EFCAB8: variants seen among roughly 807,000 people sequenced by gnomAD.
The protein encoded by EFCAB8 is EF-hand calcium-binding domain-containing protein 8.
Under a neutral mutation model 116.3 loss-of-function variants are expected in EFCAB8, and 100 were observed. That is an observed-to-expected ratio of 0.86 (90% CI 0.73 to 1.02). The LOEUF is 1.02. EFCAB8 is among the 50% of genes least tolerant of loss of function. The pLI is 0.00. For missense variants in EFCAB8, 1,320 were observed against 1,416.9 expected (o/e 0.93, Z 1.10); for synonymous variants, 558 against 567.9 (o/e 0.98, Z 0.25).
At chr20:32,890,941 A>C (rs1263491939) in intron 7 of EFCAB8, among the ~76,000 whole-genome samples, 1 of 152,164 alleles carries the variant, frequency 6.6e-6, no homozygotes, top group Non-Finnish European at 1.5e-5. Flanking sequence ...TATGAGGCTA[A>C]ATTGTGTGAT....
chr20:32,895,023 G>A lies in EFCAB8; in HGVS notation c.884-1431G>A, dbSNP rs537846617. 1.7e-3 allele frequency among the ~76,000 whole-genome samples: 264 copies of A among 152,352 alleles called. 1 individual carries two copies. Among genetic ancestry groups the A allele is most frequent in the Middle Eastern group, 0.014 (4 of 294 alleles). On this transcript the variant is annotated intron_variant, in intron 9 of 26. Transcript: ENST00000400522. ...AGCAGTACAATGTTTGGCATGAGCC[G>A]CCAGATCCATCCTTGCTGTCTCTTC...
Position 32,909,957 on chromosome 20 carries a change from A to AGGCT in EFCAB8, c.1557+30_1557+33dup, listed in dbSNP as rs577439976. 1.8e-4 allele frequency: 223 copies of AGGCT among 1,207,912 alleles called. No individual in the cohort carries two copies. In the East Asian group the frequency reaches 6.4e-3, roughly 35 times the overall value. The allele number at this position is 1,207,912 out of a possible 1,614,324, so 74.8% of individuals were successfully genotyped here. ...GTGAGTGGCCCAGGGCTCGCCTCTG[A>AGGCT]GGCTGGCGGGAACACCAGGTGACAC... On this transcript the variant is annotated intron_variant, in intron 15 of 26. Transcript: ENST00000400522.
chr20:32,909,728 G>A (rs1986831251), intron 14 of EFCAB8, 93 bp from the exon 15 acceptor site: 3 of 566,166 alleles, frequency 5.3e-6, no homozygotes, highest in Non-Finnish European at 2.7e-6. Flanking sequence ...ACGTCTTGAT[G>A]TCGTGATTTA....
chr20:32,879,013 A>G (rs1477633700), intron 5 of EFCAB8, among the ~76,000 whole-genome samples: 1 of 152,170 alleles, frequency 6.6e-6, no homozygotes, highest in Non-Finnish European at 1.5e-5. Context: ...TCCCCATTTT[A>G]TAGATGAGGC....
intron 2 of EFCAB8, among the ~76,000 whole-genome samples, chr20:32,864,589 CAA>C (rs1281227103): frequency 2.6e-5 from 4 of 151,932 alleles, no homozygotes. Flanking sequence ...TCTAAAAAAA[CAA>C]AACAAAAAAG....
chr20:32,898,537 G>C lies in EFCAB8; in HGVS notation c.1002G>C (p.Gln334His). The change falls in exon 11 of 27, where the codon CAG becomes CAC. Residue 334 changes from glutamine (Q) to histidine (H), a missense_variant. Coordinates refer to ENST00000400522, the MANE Select transcript of EFCAB8 (RefSeq NM_001143967.2). ...NWCEQVKFIP[Q>H]MNVVVSCSAI... The stretch of plus-strand genomic sequence containing the variant: ...GTGAGCAGGTCAAGTTCATCCCCCA[G>C]ATGAATGTGGTAGTCTCCTGTTCAG... 2 of 718,616 alleles carry C rather than the reference G, an allele frequency of 2.8e-6. No homozygotes were observed. The highest frequency in any genetic ancestry group is 3.0e-5 in the South Asian group (2 of 67,580). 44.5% of individuals were successfully genotyped at this position (718,616 alleles called of 1,614,324 possible). A position where few individuals can be genotyped will look rare whatever the true frequency, so the allele number is the denominator to read the frequency against.
Position 32,911,588 on chromosome 20 carries a change from A to G in EFCAB8, c.1666A>G (p.Met556Val). The change falls in exon 16 of 27, where the codon ATG (methionine) becomes GTG (valine). Residue 556 changes from methionine (M) to valine (V), a missense_variant. Coordinates refer to ENST00000400522, the MANE Select transcript of EFCAB8 (RefSeq NM_001143967.2). Reference sequence around the variant, plus strand: ...GGGCCAGCACGTGGAGATGACCGCCATGGCCCTGGATGAGTCAGAGCGGTG... The same window carrying G: ...GGGCCAGCACGTGGAGATGACCGCCGTGGCCCTGGATGAGTCAGAGCGGTG... ...SGGQHVEMTA[M>V]ALDESERCLL... is the part of the protein sequence containing the mutation. 1.3e-6 allele frequency: 2 copies of G among 1,550,228 alleles called. No individual in the cohort carries two copies. Among genetic ancestry groups the G allele is most frequent in the Non-Finnish European group, 1.7e-6 (2 of 1,145,876 alleles).
chr20:32,912,922 A>G (rs572772437), intron 17 of EFCAB8, 58 bp downstream of exon 17: 1 of 701,216 alleles, frequency 1.4e-6, no homozygotes, highest in South Asian at 1.5e-5. Flanking sequence ...CTCTCTCCAG[A>G]TGGGTTCCTC....
intron 3 of EFCAB8, among the ~76,000 whole-genome samples, chr20:32,872,027 C>G (rs930686481): frequency 1.3e-5 from 2 of 152,206 alleles, no homozygotes; most frequent in Non-Finnish European, 2.9e-5. Context: ...GCTTAAGCAC[C>G]TTGGCTGTAA....
At chr20:32,860,654 C>T (rs1984066749) in intron 1 of EFCAB8, among the ~76,000 whole-genome samples, 1 of 151,868 alleles carries the variant, frequency 6.6e-6, no homozygotes, top group African/African-American at 2.4e-5. Context: ...TTACAGACGT[C>T]AGCCATTGTG....
chr20:32,903,599 A>G (rs1381222197), intron 11 of EFCAB8: 1 of 152,150 alleles, frequency 6.6e-6, no homozygotes. Context: ...CTTCCAGAAC[A>G]TTTTTCGGCA....
chr20:32,885,677 G>A lies in EFCAB8; in HGVS notation c.567+37G>A, dbSNP rs6119300. 67 of 1,547,224 alleles carry A rather than the reference G, an allele frequency of 4.3e-5. No individual in the cohort carries two copies. The Middle Eastern group carries it at 1.9e-3, about 43-fold the overall frequency. ...CCCTACACATGGTGCACACATGGGTGATTGGAGAGCCTCTGCCTTAGCACC... is the reference window on the plus strand; with the variant it reads ...CCCTACACATGGTGCACACATGGGTAATTGGAGAGCCTCTGCCTTAGCACC... On this transcript the variant is annotated intron_variant, in intron 6 of 26. Coordinates refer to ENST00000400522, the MANE Select transcript of EFCAB8 (RefSeq NM_001143967.2).
chr20:32,895,022 C>T (rs1275040349), intron 9 of EFCAB8, among the ~76,000 whole-genome samples: 1 of 152,240 alleles, frequency 6.6e-6, no homozygotes, highest in African/African-American at 2.4e-5. Flanking sequence ...TGGCATGAGC[C>T]GCCAGATCCA....
In EFCAB8 at chr20:32,961,293, C is replaced by A; in HGVS notation, c.3551C>A (p.Ala1184Asp). ...QKDLVPSREQ[A>D]VLDTTDSTPA... ...GACCTGGTGCCCAGCAGGGAGCAGG[C>A]TGTGCTGGATACCACGGACAGCACG... The change falls in exon 27 of 27, where the codon GCT (alanine) becomes GAT (aspartate). Residue 1184 changes from alanine to aspartate, a missense_variant. Coordinates refer to ENST00000400522, the MANE Select transcript of EFCAB8 (RefSeq NM_001143967.2). 6.5e-7 allele frequency: 1 copy of A among 1,547,068 alleles called. No homozygotes were observed. The highest frequency in any genetic ancestry group is 8.7e-7 in the Non-Finnish European group (1 of 1,144,732).
At chr20:32,860,980 T>C (rs1272272707) in intron 1 of EFCAB8, among the ~76,000 whole-genome samples, 1 of 151,852 alleles carries the variant, frequency 6.6e-6, no homozygotes, top group African/African-American at 2.4e-5. Context: ...GCTCAAGCGA[T>C]CTTCCCACCT....
intron 9 of EFCAB8, among the ~76,000 whole-genome samples, chr20:32,895,499 A>AT (rs1470230781): frequency 7.0e-6 from 1 of 142,366 alleles, no homozygotes; most frequent in Non-Finnish European, 1.5e-5. Context: ...CTAATTTTTT[A>AT]TTTTTTTGAT....
chr20:32,920,743 G>A (rs964580057), intron 20 of EFCAB8, among the ~76,000 whole-genome samples: 2 of 152,100 alleles, frequency 1.3e-5, no homozygotes, highest in African/African-American at 2.4e-5. Context: ...TTTGAGTGGG[G>A]ACACAGCCAA....
chr20:32,933,439 T>A (rs1482653871), intron 22 of EFCAB8, among the ~76,000 whole-genome samples: 1 of 152,216 alleles, frequency 6.6e-6, no homozygotes, highest in Non-Finnish European at 1.5e-5. Context: ...CCAATTAACA[T>A]ATCTACCACC....
intron 3 of EFCAB8, among the ~76,000 whole-genome samples, chr20:32,868,837 T>A (rs1216788359): frequency 6.6e-6 from 1 of 151,996 alleles, no homozygotes; most frequent in Non-Finnish European, 1.5e-5. Flanking sequence ...ATACAAAAAT[T>A]AGCTGGGCGT....
Sources: gnomAD v4.1 joint callset for allele counts (sites outside exome capture counted in the v4.1 genomes callset) on GRCh38, gnomAD v4.1.1 for gene constraint, MANE v1.5 for transcripts, NCBI Gene and HGNC (gene_info 2026-07-23, HGNC 2026-07-21) for gene names.